Variants in EBF2 observed in about 807,000 individuals in gnomAD.
The protein encoded by EBF2 is transcription factor COE2.
In EBF2, 21 loss-of-function variants were observed where a neutral mutation model predicts 72.8. That is an observed-to-expected ratio of 0.29 (90% CI 0.20 to 0.42). EBF2 has a LOEUF of 0.42. Among genes scored for constraint, EBF2 ranks in the 10% least tolerant of loss-of-function variants. The pLI is 1.00. For missense variants in EBF2, 637 were observed against 731.2 expected (o/e 0.87, Z 1.49); for synonymous variants, 299 against 274.2 (o/e 1.09, Z -0.89).
chr8:25,992,501 G>T (rs1261747351), intron 6 of EBF2, among the ~76,000 whole-genome samples: 1 of 152,050 alleles, frequency 6.6e-6, no homozygotes, highest in African/African-American at 2.4e-5. Flanking sequence ...TGGTGCGCTT[G>T]GTCAGAACCT....
chr8:25,873,004 C>T (rs1357209169), intron 10 of EBF2, among the ~76,000 whole-genome samples: 1 of 152,222 alleles, frequency 6.6e-6, no homozygotes, highest in Non-Finnish European at 1.5e-5. Flanking sequence ...GTCTGTCTTC[C>T]ATGTGCTAGG....
chr8:25,851,568 T>TCTATGTTCAACTTAA (rs1477475611), intron 14 of EBF2, among the ~76,000 whole-genome samples: 1 of 151,836 alleles, frequency 6.6e-6, no homozygotes, highest in Non-Finnish European at 1.5e-5. Flanking sequence ...AATTTTATCT[T>TCTATGTTCAACTTAA]CTATGTTCAA....
At chr8:25,875,386 G>C (rs1338580755) in intron 10 of EBF2, among the ~76,000 whole-genome samples, 1 of 152,142 alleles carries the variant, frequency 6.6e-6, no homozygotes, top group African/African-American at 2.4e-5. Flanking sequence ...TGCTTTTCCT[G>C]AAAGTTGGAA....
rs182332199 is a variant in EBF2, at chr8:25,969,298, G to A, written c.552-60743C>T. Among the ~76,000 whole-genome samples the A allele has an allele frequency of 1.1e-4, 17 of 152,308 alleles. No individual in the cohort carries two copies. In the East Asian group the frequency reaches 3.1e-3, roughly 28 times the overall value. ...GTCTAAAACTGGCTCCATTTCTTGC[G>A]CAAAGCCTAGGAATCAGGAATAAAG... On this transcript the variant is annotated intron_variant, in intron 6 of 15. Transcript: ENST00000520164.
intron 6 of EBF2, among the ~76,000 whole-genome samples, chr8:26,029,830 C>G (rs979484826): frequency 2.0e-5 from 3 of 152,184 alleles, no homozygotes; most frequent in Non-Finnish European, 4.4e-5. Flanking sequence ...ACGCAGAGAC[C>G]AGACGCAAGG....
chr8:25,954,968 G>A (rs1354784155), intron 6 of EBF2, among the ~76,000 whole-genome samples: 1 of 152,218 alleles, frequency 6.6e-6, no homozygotes, highest in Non-Finnish European at 1.5e-5. Flanking sequence ...TCTGTGCTGC[G>A]AGGACTCAGA....
At chr8:25,997,390 G>A (rs1303097633) in intron 6 of EBF2, among the ~76,000 whole-genome samples, 1 of 152,090 alleles carries the variant, frequency 6.6e-6, no homozygotes, top group African/African-American at 2.4e-5. Context: ...GGGCAACATA[G>A]CGAGACCCCA....
chr8:25,845,451 C>T (rs1801813373), intron 15 of EBF2, among the ~76,000 whole-genome samples: 2 of 152,272 alleles, frequency 1.3e-5, no homozygotes, highest in South Asian at 4.2e-4. Context: ...GTCTTGAACT[C>T]CTGGCCTCAG....
chr8:25,942,085 A>G (rs1222911916), intron 6 of EBF2, among the ~76,000 whole-genome samples: 2 of 152,192 alleles, frequency 1.3e-5, no homozygotes, highest in East Asian at 1.9e-4. Context: ...AAATTGTAAG[A>G]GGATGATGTA....
chr8:25,845,519 C>T (rs1801815098), intron 15 of EBF2, among the ~76,000 whole-genome samples: 2 of 152,240 alleles, frequency 1.3e-5, no homozygotes, highest in African/African-American at 2.4e-5. Context: ...AGCCACTGTA[C>T]TCAGCCTCCA....
chr8:25,887,905 G>C lies in EBF2; in HGVS notation c.819C>G (p.Ile273Met), dbSNP rs768114113. ...GWTTGGAMVI[I>M]IGDNFFDGLQ... ...GACCATCAAAGAAGTTGTCCCCGATGATGATGACCATGGCTCCTCCTGTGG... is the reference window on the plus strand; with the variant it reads ...GACCATCAAAGAAGTTGTCCCCGATCATGATGACCATGGCTCCTCCTGTGG... The change falls in exon 9 of 16, where the codon ATC (isoleucine) becomes ATG (methionine). Residue 273 changes from isoleucine to methionine, a missense_variant. This residue lies in a region of EBF2 where 204 missense variants were observed against 301.2 expected (regional missense o/e 0.68). Coordinates refer to ENST00000520164, the MANE Select transcript of EBF2 (RefSeq NM_022659.4). The C allele has an allele frequency of 6.2e-7, 1 of 1,613,868 alleles. No individual in the cohort carries two copies. Among genetic ancestry groups the C allele is most frequent in the East Asian group, 2.2e-5 (1 of 44,852 alleles).
intron 10 of EBF2, among the ~76,000 whole-genome samples, chr8:25,863,269 A>T (rs1488607093): frequency 1.3e-5 from 2 of 152,068 alleles, no homozygotes; most frequent in Admixed American, 1.3e-4. Context: ...TTCTCATAAA[A>T]CCCACTTTAT....
chr8:25,948,138 T>A (rs892044397), intron 6 of EBF2, among the ~76,000 whole-genome samples: 61 of 152,162 alleles, frequency 4.0e-4, no homozygotes, highest in African/African-American at 1.4e-3. Context: ...GGACATAGGA[T>A]CTCATCAGGG....
chr8:25,994,351 G>A (rs1365954160), intron 6 of EBF2, among the ~76,000 whole-genome samples: 1 of 152,164 alleles, frequency 6.6e-6, no homozygotes, highest in East Asian at 1.9e-4. Flanking sequence ...TAAAACTATT[G>A]TGCCAAACAG....
At chr8:25,985,850 A>T (rs1365216058) in intron 6 of EBF2, among the ~76,000 whole-genome samples, 2 of 151,114 alleles carry the variant, frequency 1.3e-5, no homozygotes, top group Non-Finnish European at 2.9e-5. Flanking sequence ...AAAAATACAA[A>T]AATTAGCTGG....
intron 6 of EBF2, among the ~76,000 whole-genome samples, chr8:26,009,319 T>C (rs1361557121): frequency 1.3e-5 from 2 of 152,220 alleles, no homozygotes; most frequent in African/African-American, 4.8e-5. Flanking sequence ...CAGCATGTTC[T>C]ATACAAGTGA....
intron 10 of EBF2, among the ~76,000 whole-genome samples, chr8:25,863,699 A>T (rs11135897): frequency 0.26 from 39,562 of 150,804 alleles, 5,374 homozygotes; most frequent in South Asian, 0.39. Context: ...CTTATTTTTT[A>T]TATATATGTT....
At chr8:25,978,970 G>A in intron 6 of EBF2, among the ~76,000 whole-genome samples, 1 of 152,122 alleles carries the variant, frequency 6.6e-6, no homozygotes, top group East Asian at 1.9e-4. Flanking sequence ...GCTGGAAAAC[G>A]GGCTGCTCAA....
At position 25,844,513 on chromosome 8, in the gene EBF2, G is replaced by A; in HGVS notation, c.*96C>T. ...CAAGGGTGTCCATCATGTTCATGTG[G>A]GGGCACCACTACACCCCCAAAAGAG... On this transcript the variant is annotated 3_prime_UTR_variant, in exon 16 of 16. Transcript: ENST00000520164. 7.1e-7 allele frequency: 1 copy of A among 1,402,044 alleles called. No homozygotes were observed. The highest frequency in any genetic ancestry group is 1.0e-6 in the Non-Finnish European group (1 of 991,104). The allele number at this position is 1,402,044 out of a possible 1,614,324, so 86.9% of individuals were successfully genotyped here. A position where few individuals can be genotyped will look rare whatever the true frequency, so the allele number is the denominator to read the frequency against.
Sources: gnomAD v4.1 joint callset for allele counts (sites outside exome capture counted in the v4.1 genomes callset) on GRCh38, gnomAD v4.1.1 for gene constraint, gnomAD v4.1.1 regional missense constraint, MANE v1.5 for transcripts, NCBI Gene and HGNC (gene_info 2026-07-23, HGNC 2026-07-21) for gene names.